Variants in PSMD6 observed in about 807,000 individuals in gnomAD.
PSMD6 encodes 26S proteasome non-ATPase regulatory subunit 6.
In PSMD6, 7 loss-of-function variants were observed where a neutral mutation model predicts 44.9. The observed-to-expected ratio is 0.16, with a 90% CI of 0.09 to 0.29. PSMD6 has a LOEUF of 0.29. Ranked by LOEUF, PSMD6 falls within the 10% of genes least tolerant of loss-of-function variation. PSMD6 has a pLI of 1.00. For synonymous variants in PSMD6, 184 were observed against 172.7 expected, an observed-to-expected ratio of 1.07 and a Z score of -0.51; for missense variants, 420 against 482.6, an observed-to-expected ratio of 0.87 and a Z score of 1.21.
At position 64,013,606 on chromosome 3, in the gene PSMD6, C is replaced by G. The variant is rs746188615; in HGVS notation, c.828G>C (p.Ala276=). 1.3e-5 allele frequency: 20 copies of G among 1,599,110 alleles called. No homozygotes were observed. In the South Asian group the frequency reaches 1.5e-4, roughly 12 times the overall value. The change falls in exon 6 of 8, where the codon GCG becomes GCC. Residue 276 remains alanine (A), a splice_region_variant and synonymous_variant. Transcript: ENST00000295901. The part of the protein sequence containing the change: ...CRYSVFFQSL[A]VVEQEMKKDW... ...CCTTTTTCATTTCCTGTTCCACAAC[C>G]GCTGCAATGAATAAAATGACAAATT...
chr3:64,021,898 A>C (rs1296745042), intron 2 of PSMD6, among the ~76,000 whole-genome samples: 6 of 152,220 alleles, frequency 3.9e-5, no homozygotes, highest in Admixed American at 3.9e-4. Context: ...TACAGAGTAA[A>C]GAAAGATAAC....
chr3:64,019,655 T>G, intron 2 of PSMD6: 1 of 461,846 alleles, frequency 2.2e-6, no homozygotes, highest in Non-Finnish European at 3.7e-6. Context: ...AAAAAATACA[T>G]AAGAAATGCC....
intron 5 of PSMD6, among the ~76,000 whole-genome samples, chr3:64,018,030 GAATACAATTAC>G (rs1180863975): frequency 6.6e-6 from 1 of 152,148 alleles, no homozygotes; most frequent in Non-Finnish European, 1.5e-5. Context: ...AGCTTTGAAG[GAATACAATTAC>G]GTTCAAGAGA....
Position 64,019,726 on chromosome 3 carries a change from A to G in PSMD6, c.352-285T>C, listed in dbSNP as rs1037972761. On this transcript the variant is annotated intron_variant, in intron 2 of 7. Transcript: ENST00000295901. ...AAAAATATATTCACAATTGTTAAGT[A>G]TTTTTCTCTGTTCTATATATTCAAT... The G allele has an allele frequency of 2.1e-5, 7 of 326,504 alleles. No homozygotes were observed. The Middle Eastern group carries it at 2.5e-3, about 115-fold the overall frequency. 20.2% of individuals were successfully genotyped at this position (326,504 alleles called of 1,614,324 possible).
intron 6 of PSMD6, chr3:64,012,831 T>G (rs1321802087): frequency 3.9e-5 from 6 of 152,244 alleles, no homozygotes; most frequent in Non-Finnish European, 7.3e-5. Flanking sequence ...GGATAGCATT[T>G]TCTCATCTCC....
intron 2 of PSMD6, among the ~76,000 whole-genome samples, chr3:64,021,519 G>C (rs771815615): frequency 6.6e-6 from 1 of 152,142 alleles, no homozygotes; most frequent in Non-Finnish European, 1.5e-5. Flanking sequence ...ACGTAAAAAA[G>C]ATTTTATGAC....
chr3:64,022,918 G>A (rs565613115), intron 1 of PSMD6: 4 of 1,460,760 alleles, frequency 2.7e-6, no homozygotes, highest in Non-Finnish European at 2.7e-6. Flanking sequence ...CCACAGGCAA[G>A]CTGAACTCTC....
chr3:64,015,755 T>A (rs1576029558), intron 5 of PSMD6: 1 of 152,244 alleles, frequency 6.6e-6, no homozygotes, highest in South Asian at 2.1e-4. Flanking sequence ...TTAACAGCAG[T>A]TGCCTCTAGA....
intron 3 of PSMD6, 67 bp downstream of exon 3, chr3:64,019,229 C>G: frequency 6.6e-7 from 1 of 1,505,898 alleles, no homozygotes; most frequent in Non-Finnish European, 9.1e-7. Flanking sequence ...CAGGCAGTTT[C>G]TTATATCAGC....
chr3:64,021,679 C>T (rs1018610906), intron 2 of PSMD6, among the ~76,000 whole-genome samples: 3 of 151,902 alleles, frequency 2.0e-5, no homozygotes, highest in African/African-American at 7.3e-5. Context: ...GGTGTGGTGG[C>T]GCACGCCTGT....
chr3:64,013,787 G>C (rs1397212897), intron 5 of PSMD6, 180 bp from the exon 6 acceptor site: 10 of 470,768 alleles, frequency 2.1e-5, no homozygotes, highest in Non-Finnish European at 3.6e-5. Context: ...GGAGGGGCCA[G>C]GTATGCAAAC....
At chr3:64,018,743 G>T (rs534104027) in intron 4 of PSMD6, 36 bp from the exon 5 acceptor site, 4 of 1,480,152 alleles carry the variant, frequency 2.7e-6, no homozygotes, top group South Asian at 2.4e-5. Flanking sequence ...CAAAAAAAAT[G>T]TACATTTTAA....
chr3:64,022,935 G>A (rs2076156299), intron 1 of PSMD6: 1 of 1,441,546 alleles, frequency 6.9e-7, no homozygotes, highest in African/African-American at 1.4e-5. Context: ...TCTCCCACAG[G>A]AATACCCCGC....
At chr3:64,021,838 G>C (rs770659589) in intron 2 of PSMD6, among the ~76,000 whole-genome samples, 2 of 151,206 alleles carry the variant, frequency 1.3e-5, no homozygotes, top group Non-Finnish European at 2.9e-5. Flanking sequence ...TTACCAAAAA[G>C]TTTGCATAAA....
In PSMD6 at chr3:64,023,455, T is replaced by C. The variant is rs958214470; in HGVS notation, c.-36A>G. The C allele has an allele frequency of 1.4e-5, 21 of 1,550,976 alleles. No homozygotes were observed. Among genetic ancestry groups the C allele is most frequent in the Non-Finnish European group, 1.7e-5 (19 of 1,141,640 alleles). On this transcript the variant is annotated 5_prime_UTR_variant, in exon 1 of 8. Coordinates refer to ENST00000295901, the MANE Select transcript of PSMD6 (RefSeq NM_014814.3). ...GGGACAGCGGCTGACAGGACACAAC[T>C]TGGTTACGACCGGCTGCGGCAGCGG...
In PSMD6 at chr3:64,018,590, T is replaced by G; in HGVS notation, c.826+9A>C. On this transcript the variant is annotated intron_variant, in intron 5 of 7. Coordinates refer to ENST00000295901, the MANE Select transcript of PSMD6 (RefSeq NM_014814.3). ...GACAGATAATCAAAAATATCAACCC[T>G]ATCCTTACCTAATGATTGGAAGAAA... The G allele has an allele frequency of 6.6e-7, 1 of 1,520,480 alleles. No homozygotes were observed. The highest frequency in any genetic ancestry group is 9.1e-7 in the Non-Finnish European group (1 of 1,098,556). The allele number at this position is 1,520,480 out of a possible 1,614,324, so 94.2% of individuals were successfully genotyped here.
At chr3:64,022,200 ATTACCT>A in intron 2 of PSMD6, 112 bp downstream of exon 2, 1 of 1,141,840 alleles carries the variant, frequency 8.8e-7, no homozygotes, top group Non-Finnish European at 1.2e-6. Context: ...AGCAAGCATG[ATTACCT>A]TTATACTTTT....
At chr3:64,017,017 T>C (rs1188159358) in intron 5 of PSMD6, 1 of 152,162 alleles carries the variant, frequency 6.6e-6, no homozygotes, top group South Asian at 2.1e-4. Context: ...TGGATGAATG[T>C]GGGAACATTA....
upstream of PSMD6, chr3:64,023,761 T>C: frequency 6.8e-7 from 1 of 1,479,272 alleles, no homozygotes; most frequent in Non-Finnish European, 9.1e-7. Flanking sequence ...TTAAAATTTT[T>C]TGAAAACTGA....
Sources: gnomAD v4.1 joint callset for allele counts (sites outside exome capture counted in the v4.1 genomes callset) on GRCh38, gnomAD v4.1.1 for gene constraint, MANE v1.5 for transcripts, NCBI Gene and HGNC (gene_info 2026-07-23, HGNC 2026-07-21) for gene names.